Variants in MAMLD1 observed in about 807,000 individuals in gnomAD.
MAMLD1 encodes mastermind-like domain-containing protein 1.
In MAMLD1, 14 loss-of-function variants were observed where a neutral mutation model predicts 45.0. The ratio of observed to expected loss-of-function variants is 0.31; its 90% CI spans 0.21 to 0.49. MAMLD1 has a LOEUF of 0.49. MAMLD1 is among the 20% of genes least tolerant of loss of function. The pLI is 0.99. For synonymous variants in MAMLD1, 254 were observed against 247.8 expected, an observed-to-expected ratio of 1.02 and a Z score of -0.24; for missense variants, 543 against 603.6, an observed-to-expected ratio of 0.90 and a Z score of 1.05.
intron 1 of MAMLD1, among the ~76,000 whole-genome samples, chrX:150,409,197 G>T (rs1557402757): frequency 8.9e-6 from 1 of 111,900 alleles, no homozygotes; most frequent in South Asian, 3.8e-4. Context: ...TGGGTTTTAT[G>T]CAATGTGGTT....
At chrX:150,447,198 T>C (rs889401283) in intron 2 of MAMLD1, among the ~76,000 whole-genome samples, 2 of 112,613 alleles carry the variant, frequency 1.8e-5, no homozygotes, top group Non-Finnish European at 3.7e-5. Flanking sequence ...GAGCCCTTTG[T>C]AAGCTTTGCC....
At chrX:150,453,426 T>A (rs1795028054) in intron 2 of MAMLD1, among the ~76,000 whole-genome samples, 2 of 111,862 alleles carry the variant, frequency 1.8e-5, no homozygotes, top group South Asian at 7.5e-4. Context: ...CCCTAACAAA[T>A]GGTACCCATT....
At chrX:150,436,596 C>G (rs1602794159) in intron 1 of MAMLD1, among the ~76,000 whole-genome samples, 1 of 111,897 alleles carries the variant, frequency 8.9e-6, no homozygotes, top group Non-Finnish European at 1.9e-5. Flanking sequence ...CTTAAGATGG[C>G]CATTTCGTCT....
At chrX:150,464,455 T>C (rs2036155052) in intron 3 of MAMLD1, among the ~76,000 whole-genome samples, 1 of 112,284 alleles carries the variant, frequency 8.9e-6, no homozygotes. Context: ...CAAAATCCTG[T>C]TTGTTCTACA....
In MAMLD1 at chrX:150,513,902, G is replaced by C. The variant is rs1189300645; in HGVS notation, c.*1943G>C. ...CTTTCAGTATTTGTTTTGATGTAAG[G>C]CTCTGTGGTTTGGGGGGGAACATCT... On this transcript the variant is annotated 3_prime_UTR_variant, in exon 8 of 8. Coordinates refer to ENST00000370401, the MANE Select transcript of MAMLD1 (RefSeq NM_005491.5). The C allele has an allele frequency of 7.8e-5, 23 of 296,077 alleles. No homozygotes were observed. Among genetic ancestry groups the C allele is most frequent in the Non-Finnish European group, 1.2e-4 (21 of 170,091 alleles). The allele number at this position is 296,077 out of a possible 1,213,427, so 24.4% of individuals were successfully genotyped here. A position where few individuals can be genotyped will look rare whatever the true frequency, so the allele number is the denominator to read the frequency against.
In MAMLD1 at chrX:150,402,839, G is replaced by A. The variant is rs782441964; in HGVS notation, c.-64+39309G>A. 4.0e-3 allele frequency among the ~76,000 whole-genome samples: 442 copies of A among 110,210 alleles called. 4 individuals are homozygous for A. The highest frequency in any genetic ancestry group is 0.014 in the African/African-American group (410 of 30,247). ...TCGCAAGAACAAAAAACCAAACACC[G>A]TATGTTCTCACTCATAGGTGGGAAT... On this transcript the variant is annotated intron_variant, in intron 1 of 7. Coordinates refer to ENST00000370401, the MANE Select transcript of MAMLD1 (RefSeq NM_005491.5).
At chrX:150,433,752 T>C (rs1223638016) in intron 1 of MAMLD1, among the ~76,000 whole-genome samples, 1 of 112,242 alleles carries the variant, frequency 8.9e-6, no homozygotes, top group Non-Finnish European at 1.9e-5. Flanking sequence ...ATCACAAGGA[T>C]AAAGCCTACT....
chrX:150,416,841 T>G (rs1049784807), intron 1 of MAMLD1, among the ~76,000 whole-genome samples: 5 of 112,175 alleles, frequency 4.5e-5, no homozygotes, highest in African/African-American at 1.6e-4. Context: ...GAAAGCACAT[T>G]TTCTTCACAT....
chrX:150,442,926 G>C (rs1478748259), intron 1 of MAMLD1, among the ~76,000 whole-genome samples: 8 of 111,713 alleles, frequency 7.2e-5, no homozygotes, highest in African/African-American at 2.6e-4. Context: ...ACTGAGTATA[G>C]GGTTCTGGGT....
chrX:150,450,865 G>A (rs1370347640), intron 2 of MAMLD1, among the ~76,000 whole-genome samples: 1 of 112,647 alleles, frequency 8.9e-6, no homozygotes, highest in African/African-American at 3.2e-5. Flanking sequence ...GTGTGTATGC[G>A]CCTTTCTACT....
intron 1 of MAMLD1, among the ~76,000 whole-genome samples, chrX:150,397,675 G>A (rs2033475975): frequency 9.0e-6 from 1 of 111,231 alleles, no homozygotes; most frequent in Non-Finnish European, 1.9e-5. Context: ...GTCAACTTGT[G>A]TTCTTCCCTG....
chrX:150,366,281 C>T (rs782533605), intron 1 of MAMLD1, among the ~76,000 whole-genome samples: 51 of 111,984 alleles, frequency 4.6e-4, no homozygotes, highest in African/African-American at 1.7e-3. Flanking sequence ...TTGATAAGTG[C>T]TGCTCAAACA....
chrX:150,467,077 CA>C (rs1343419234), intron 3 of MAMLD1, among the ~76,000 whole-genome samples: 1 of 106,985 alleles, frequency 9.3e-6, no homozygotes, highest in Non-Finnish European at 1.9e-5. Context: ...ACATCATGGA[CA>C]GCACTTTGGG....
At chrX:150,407,487 A>C (rs1001938353) in intron 1 of MAMLD1, among the ~76,000 whole-genome samples, 2 of 112,434 alleles carry the variant, frequency 1.8e-5, no homozygotes, top group African/African-American at 6.5e-5. Flanking sequence ...AAGTTTACAG[A>C]CTCCCTGAAT....
chrX:150,492,979 GA>G (rs1199174490), intron 5 of MAMLD1, among the ~76,000 whole-genome samples: 1 of 111,641 alleles, frequency 9.0e-6, no homozygotes, highest in Non-Finnish European at 1.9e-5. Flanking sequence ...AGTGACAGGA[GA>G]GCAGAGAATG....
At chrX:150,488,548 CCAAA>C (rs1163220668) in intron 5 of MAMLD1, among the ~76,000 whole-genome samples, 1 of 112,827 alleles carries the variant, frequency 8.9e-6, no homozygotes, top group Non-Finnish European at 1.9e-5. Context: ...TCAAACCAAA[CCAAA>C]CACTTAAAAT....
chrX:150,468,976 A>AGTGTGTGT (rs1236391053), intron 3 of MAMLD1, among the ~76,000 whole-genome samples: 1 of 31,393 alleles, frequency 3.2e-5, no homozygotes, highest in Non-Finnish European at 6.3e-5. Flanking sequence ...GCAATGTGTG[A>AGTGTGTGT]GAGTGTGTGT....
chrX:150,512,315 C>T lies in MAMLD1; in HGVS notation c.*356C>T. On this transcript the variant is annotated 3_prime_UTR_variant, in exon 8 of 8. Transcript: ENST00000370401. Reference sequence around the variant, plus strand: ...GGCCACCCCACCAGAAGTGCCCCTGCCTGGGTTCTGTCCCAGCTCCCTGGG... The same window carrying T: ...GGCCACCCCACCAGAAGTGCCCCTGTCTGGGTTCTGTCCCAGCTCCCTGGG... 1 of 1,129,832 alleles carries T rather than the reference C, an allele frequency of 8.9e-7. No individual in the cohort carries two copies. The highest frequency in any genetic ancestry group is 2.1e-5 in the South Asian group (1 of 48,332). The allele number at this position is 1,129,832 out of a possible 1,213,427, so 93.1% of individuals were successfully genotyped here. A position where few individuals can be genotyped will look rare whatever the true frequency, so the allele number is the denominator to read the frequency against.
intron 1 of MAMLD1, among the ~76,000 whole-genome samples, chrX:150,418,531 G>A (rs1266467321): frequency 9.8e-6 from 1 of 102,416 alleles, no homozygotes; most frequent in Non-Finnish European, 2.0e-5. Context: ...TGTGATGTTA[G>A]GGTGTCAATT....
Sources: gnomAD v4.1 joint callset for allele counts (sites outside exome capture counted in the v4.1 genomes callset) on GRCh38, gnomAD v4.1.1 for gene constraint, MANE v1.5 for transcripts, NCBI Gene and HGNC (gene_info 2026-07-23, HGNC 2026-07-21) for gene names.